The following NKAIN4 variants were observed in gnomAD, a reference collection of about 807,000 sequenced individuals.
NKAIN4 encodes the protein sodium/potassium-transporting ATPase subunit beta-1-interacting protein 4.
NKAIN4 carries 28 observed loss-of-function variants against 28.8 expected under a neutral mutation model. The ratio of observed to expected loss-of-function variants is 0.97; its 90% CI spans 0.72 to 1.33. NKAIN4 has a LOEUF of 1.33. NKAIN4 is among the 40% of genes most tolerant of loss of function. NKAIN4 has a pLI of 0.00. For synonymous variants in NKAIN4, 122 were observed against 115.6 expected (o/e 1.06, Z -0.36); for missense variants, 289 against 277.2 (o/e 1.04, Z -0.30).
chr20:63,244,411 A>G, intron 4 of NKAIN4: 1 of 506,036 alleles, frequency 2.0e-6, no homozygotes, highest in Non-Finnish European at 3.9e-6. Context: ...ACAGAAGCCC[A>G]GGCTGGATGA....
intron 6 of NKAIN4, chr20:63,241,714 C>G: frequency 1.4e-6 from 1 of 697,678 alleles, no homozygotes; most frequent in Non-Finnish European, 2.7e-6. Context: ...GCGTCTTGTG[C>G]CTGTTTGCTG....
chr20:63,242,786 CG>C (rs147746767), intron 5 of NKAIN4, among the ~76,000 whole-genome samples, 163 bp from the exon 6 acceptor site: 9 of 53,836 alleles, frequency 1.7e-4, no homozygotes, highest in Admixed American at 4.3e-4. Flanking sequence ...CCTGGGGGGA[CG>C]GGGGGGGTGG....
At chr20:63,246,998 C>G (rs1299501806) in intron 4 of NKAIN4, 1 of 999,232 alleles carries the variant, frequency 1.0e-6, no homozygotes, top group Non-Finnish European at 1.2e-6. Flanking sequence ...GGCAGAGTCC[C>G]GTTCCCGCAC....
At chr20:63,254,533 C>T (rs1053043865), upstream of NKAIN4, 6 of 1,050,730 alleles carry the variant, frequency 5.7e-6, no homozygotes, top group African/African-American at 8.3e-5. Flanking sequence ...GCGCCGCAGC[C>T]TGGACCCCGC....
rs767537337 is a variant in NKAIN4 at position 63,244,113 on chromosome 20, G to A, written c.472-29C>T. 5 of 1,599,246 alleles carry A rather than the reference G, an allele frequency of 3.1e-6. No individual in the cohort carries two copies. The African/African-American group carries it at 5.4e-5, about 17-fold the overall frequency. The stretch of plus-strand genomic sequence containing the variant: ...AAAGACACCACAGGCAGGGGCGTGA[G>A]TGCGGCCAGGCGAGCCTGTGGGGTG... On this transcript the variant is annotated intron_variant, in intron 4 of 6. Coordinates refer to ENST00000370316, the MANE Select transcript of NKAIN4 (RefSeq NM_152864.4).
chr20:63,253,428 C>G, intron 1 of NKAIN4: 1 of 985,542 alleles, frequency 1.0e-6, no homozygotes, highest in Non-Finnish European at 1.2e-6. Flanking sequence ...CCAAGCTGCA[C>G]AGCCACGGAC....
chr20:63,248,714 T>TGCCTCAGAC (rs2066903210), intron 3 of NKAIN4, 101 bp downstream of exon 3: 1 of 764,126 alleles, frequency 1.3e-6, no homozygotes, highest in African/African-American at 1.7e-5. Flanking sequence ...ACTGAGCCCC[T>TGCCTCAGAC]GCCTCAGACG....
intron 4 of NKAIN4, 184 bp downstream of exon 4, chr20:63,247,394 G>C (rs1351953720): frequency 1.1e-5 from 17 of 1,531,458 alleles, no homozygotes; most frequent in Non-Finnish European, 1.5e-5. Flanking sequence ...AGGCACTGAG[G>C]TGCCAGCCAC....
At chr20:63,254,049 G>C in intron 1 of NKAIN4, 1 of 276,482 alleles carries the variant, frequency 3.6e-6, no homozygotes, top group Non-Finnish European at 7.0e-6. Context: ...GGGCGCACCC[G>C]GGGCCACACA....
At chr20:63,246,533 C>G in intron 4 of NKAIN4, 4 of 985,458 alleles carry the variant, frequency 4.1e-6, no homozygotes, top group Non-Finnish European at 4.8e-6. Context: ...CGCACCGTCA[C>G]GTGTGCTCAG....
rs188451008 is a variant in NKAIN4, at chr20:63,244,305, T to G, written c.472-221A>C. On this transcript the variant is annotated intron_variant, in intron 4 of 6. Coordinates refer to ENST00000370316, the MANE Select transcript of NKAIN4 (RefSeq NM_152864.4). ...ACCCCTGCCTTCCACCCCACCCCAC[T>G]CAACTGGGTAGGGGGCAGGTGGGTG... is the stretch of plus-strand genomic sequence containing the variant. Among the ~76,000 whole-genome samples the G allele has an allele frequency of 5.6e-4, 86 of 152,242 alleles. No individual in the cohort carries two copies. The East Asian group carries it at 0.015, about 27-fold the overall frequency.
intron 3 of NKAIN4, chr20:63,248,435 C>T (rs1363721649): frequency 1.5e-5 from 3 of 203,922 alleles, no homozygotes; most frequent in Admixed American, 1.0e-4. Context: ...GCAGGAGGCA[C>T]GAGGCTTTAC....
intron 2 of NKAIN4, 158 bp from the exon 3 acceptor site, chr20:63,249,053 T>C: frequency 8.1e-6 from 5 of 618,472 alleles, no homozygotes; most frequent in South Asian, 7.2e-5. Flanking sequence ...GAGAAAGGGG[T>C]CCCCCAAGCC....
At position 63,245,493 on chromosome 20, in the gene NKAIN4, C is replaced by T. The variant is rs57427136; in HGVS notation, c.472-1409G>A. 0.18 allele frequency among the ~76,000 whole-genome samples: 27,579 copies of T among 151,864 alleles called. 2,658 individuals carry two copies. The highest frequency in any genetic ancestry group is 0.34 in the East Asian group (1,723 of 5,102). On this transcript the variant is annotated intron_variant, in intron 4 of 6. Transcript: ENST00000370316. The surrounding 1 kb of genome is among the most constrained non-coding windows in gnomAD (Gnocchi z 4.7). ...CTCTGTCCCACACCCCCATGCTCCC[C>T]GCCCTGCACACCACCGCCTCCTGCC... is the stretch of plus-strand genomic sequence containing the variant.
At chr20:63,250,729 T>C (rs1258503166) in intron 1 of NKAIN4, among the ~76,000 whole-genome samples, 1 of 151,696 alleles carries the variant, frequency 6.6e-6, no homozygotes, top group Non-Finnish European at 1.5e-5. Flanking sequence ...GAATATAAAG[T>C]TGGTATTTTA....
intron 4 of NKAIN4, chr20:63,247,173 G>C: frequency 1.8e-6 from 2 of 1,124,938 alleles, no homozygotes; most frequent in South Asian, 2.2e-5. Flanking sequence ...TCCTGTGACC[G>C]GCATGGGCTC....
chr20:63,247,823 C>T lies in NKAIN4; in HGVS notation c.274-48G>A, dbSNP rs368282518. On this transcript the variant is annotated intron_variant, in intron 3 of 6. Coordinates refer to ENST00000370316, the MANE Select transcript of NKAIN4 (RefSeq NM_152864.4). ...GGGCCGGTTAGCACCAGGAGGTGGG[C>T]GGCCTCACCCACTGCAGCCTGCGGG... 4.6e-5 allele frequency: 65 copies of T among 1,414,950 alleles called. No homozygotes were observed. In the Middle Eastern group the frequency reaches 1.2e-3, roughly 27 times the overall value. The allele number at this position is 1,414,950 out of a possible 1,614,324, so 87.6% of individuals were successfully genotyped here. A position where few individuals can be genotyped will look rare whatever the true frequency, so the allele number is the denominator to read the frequency against.
intron 4 of NKAIN4, chr20:63,247,304 C>A: frequency 7.2e-7 from 1 of 1,394,114 alleles, no homozygotes; most frequent in Non-Finnish European, 9.4e-7. Context: ...CGATTCCTTC[C>A]CACTCCCCAC....
intron 6 of NKAIN4, 102 bp from the exon 7 acceptor site, chr20:63,241,608 C>T: frequency 9.5e-7 from 1 of 1,055,418 alleles, no homozygotes; most frequent in Admixed American, 2.0e-5. Context: ...GAACAAAGTC[C>T]AAGCAGTGGA....
Sources: allele counts gnomAD v4.1 joint callset (sites outside exome capture counted in the v4.1 genomes callset), GRCh38; gene constraint gnomAD v4.1.1; non-coding constraint Gnocchi (gnomAD v3.1); transcripts MANE v1.5; gene names NCBI Gene and HGNC (gene_info 2026-07-23, HGNC 2026-07-21).